The following DIAPH2 variants were observed in gnomAD, a reference collection of about 807,000 sequenced individuals.
DIAPH2 encodes protein diaphanous homolog 2.
Under a neutral mutation model 92.7 loss-of-function variants are expected in DIAPH2, and 35 were observed. That is an observed-to-expected ratio of 0.38 (90% confidence interval 0.29 to 0.50). The LOEUF is 0.50. Ranked by LOEUF, DIAPH2 falls within the 20% of genes least tolerant of loss-of-function variation. The probability of loss-of-function intolerance (pLI) is 0.94; values close to 1 mark genes in which losing one functional copy is unlikely to be tolerated. For synonymous variants in DIAPH2, 301 were observed against 280.4 expected (o/e 1.07, Z -0.73); for missense variants, 701 against 819.5 (o/e 0.86, Z 1.77).
chrX:97,244,835 A>T (rs1031971357), intron 22 of DIAPH2, among the ~76,000 whole-genome samples: 2 of 112,178 alleles, frequency 1.8e-5, no homozygotes, highest in East Asian at 5.6e-4. Context: ...TCATGCCTGT[A>T]ATCCCAACAC....
chrX:97,305,824 C>CAA (rs754094514), intron 23 of DIAPH2, among the ~76,000 whole-genome samples: 7 of 49,192 alleles, frequency 1.4e-4, no homozygotes, highest in African/African-American at 4.4e-4. Context: ...ACTCCTTCTC[C>CAA]AAAAAAAAAA....
chrX:96,907,734 G>A (rs771224841), intron 5 of DIAPH2, among the ~76,000 whole-genome samples: 10 of 111,746 alleles, frequency 8.9e-5, no homozygotes, highest in East Asian at 2.8e-4. Flanking sequence ...TTTTTAAACC[G>A]TTAAACATCT....
chrX:96,756,384 T>C (rs1026047776), intron 3 of DIAPH2, among the ~76,000 whole-genome samples: 6 of 111,834 alleles, frequency 5.4e-5, no homozygotes, highest in Admixed American at 9.5e-5. Flanking sequence ...ATAGAATATA[T>C]GGTCTTTTAT....
At chrX:97,415,907 A>G (rs903965975) in intron 25 of DIAPH2, among the ~76,000 whole-genome samples, 1 of 111,652 alleles carries the variant, frequency 9.0e-6, no homozygotes, top group African/African-American at 3.3e-5. Flanking sequence ...ATGGACAGGA[A>G]CTAGAAGCTT....
At chrX:97,054,622 A>G (rs186297268) in intron 17 of DIAPH2, among the ~76,000 whole-genome samples, 156 of 111,831 alleles carry the variant, frequency 1.4e-3, no homozygotes, top group Non-Finnish European at 2.7e-3. Context: ...CCGCAAAGGT[A>G]TACAGCCTTG....
At chrX:96,951,169 TCTC>T (rs200388868) in intron 15 of DIAPH2, among the ~76,000 whole-genome samples, 4,351 of 111,275 alleles carry the variant, frequency 0.039, 101 homozygotes, top group Middle Eastern at 0.083. Flanking sequence ...CCCTTCAACA[TCTC>T]CTGGAAATAG....
At chrX:96,828,021 C>T (rs1237846975) in intron 4 of DIAPH2, among the ~76,000 whole-genome samples, 2 of 111,815 alleles carry the variant, frequency 1.8e-5, no homozygotes, top group African/African-American at 3.3e-5. Context: ...CCACCCACCT[C>T]GGCCTCCTAA....
intron 4 of DIAPH2, among the ~76,000 whole-genome samples, chrX:96,809,944 T>G (rs1455899399): frequency 8.9e-6 from 1 of 112,361 alleles, no homozygotes; most frequent in Non-Finnish European, 1.9e-5. Context: ...TGGTTCCAAG[T>G]CTTTGCTATT....
At chrX:96,901,871 G>A (rs1346320713) in intron 5 of DIAPH2, among the ~76,000 whole-genome samples, 1 of 110,845 alleles carries the variant, frequency 9.0e-6, no homozygotes, top group Non-Finnish European at 1.9e-5. Context: ...CTTGAGGTGT[G>A]ACATTAGGTT....
intron 24 of DIAPH2, among the ~76,000 whole-genome samples, chrX:97,348,750 T>C (rs1235750267): frequency 2.7e-5 from 3 of 111,328 alleles, no homozygotes; most frequent in African/African-American, 9.8e-5. Flanking sequence ...TCTTTCACAA[T>C]GTGGGCTCTT....
chrX:97,081,058 A>T (rs1241168747), intron 19 of DIAPH2, among the ~76,000 whole-genome samples: 1 of 112,262 alleles, frequency 8.9e-6, no homozygotes, highest in Non-Finnish European at 1.9e-5. Flanking sequence ...CTCTTAAATA[A>T]CAACTTGTAT....
In DIAPH2 at chrX:97,325,051, C is replaced by T. The variant is rs1385502057; in HGVS notation, c.2845-23065C>T. On this transcript the variant is annotated intron_variant, in intron 23 of 26. Transcript: ENST00000324765. ...CTGACCTCAGGTGATCCGCCCACCT[C>T]GGCATCCCAAAGTGCTGGGATTACA... Among the ~76,000 whole-genome samples, 8 of 112,255 alleles carry T rather than the reference C, an allele frequency of 7.1e-5. No homozygotes were observed. The East Asian group carries it at 1.4e-3, about 20-fold the overall frequency.
At chrX:97,327,110 T>C (rs2068957408) in intron 23 of DIAPH2, among the ~76,000 whole-genome samples, 1 of 112,254 alleles carries the variant, frequency 8.9e-6, no homozygotes, top group African/African-American at 3.2e-5. Flanking sequence ...TTCTTGTCTT[T>C]TTTTTGAAGA....
In DIAPH2 at chrX:96,962,430, C is replaced by T. The variant is rs376535556; in HGVS notation, c.1936-2663C>T. ...ACATATATATATACACATATATATACATATATATATACATATATACACACA... is the reference window on the plus strand; with the variant it reads ...ACATATATATATACACATATATATATATATATATATACATATATACACACA... On this transcript the variant is annotated intron_variant, in intron 16 of 26. Transcript: ENST00000324765. Among the ~76,000 whole-genome samples, 39 of 43,689 alleles carry T rather than the reference C, an allele frequency of 8.9e-4. 1 individual carries two copies. The highest frequency in any genetic ancestry group is 3.4e-3 in the East Asian group (6 of 1,781). The allele number at this position is 43,689 out of a possible 115,157, so 37.9% of individuals were successfully genotyped here. A position where few individuals can be genotyped will look rare whatever the true frequency, so the allele number is the denominator to read the frequency against.
At chrX:97,372,864 C>T in intron 24 of DIAPH2, among the ~76,000 whole-genome samples, 1 of 110,714 alleles carries the variant, frequency 9.0e-6, no homozygotes, top group Non-Finnish European at 1.9e-5. Flanking sequence ...GTAGTCCCAG[C>T]TACTCAGGAG....
chrX:96,971,088 A>G (rs1032587577), intron 17 of DIAPH2, among the ~76,000 whole-genome samples: 28 of 112,225 alleles, frequency 2.5e-4, no homozygotes, highest in African/African-American at 8.4e-4. Context: ...TACAAGAATC[A>G]TAGATTTTAT....
chrX:97,147,046 C>A (rs756868477), intron 22 of DIAPH2, among the ~76,000 whole-genome samples: 1 of 110,779 alleles, frequency 9.0e-6, no homozygotes, highest in African/African-American at 3.3e-5. Flanking sequence ...GTGACTATTG[C>A]AGGGAAAAGG....
At chrX:97,107,389 G>T (rs1222372826) in intron 20 of DIAPH2, among the ~76,000 whole-genome samples, 1 of 111,493 alleles carries the variant, frequency 9.0e-6, no homozygotes, top group Non-Finnish European at 1.9e-5. Context: ...ATTTGGCATT[G>T]ACTCCATATA....
chrX:96,783,516 C>G (rs1377778211), intron 4 of DIAPH2, among the ~76,000 whole-genome samples: 1 of 112,105 alleles, frequency 8.9e-6, no homozygotes, highest in Non-Finnish European at 1.9e-5. Flanking sequence ...GGAGTAGTGA[C>G]CAAGCTAGTT....
Sources: gnomAD v4.1 joint callset for allele counts (sites outside exome capture counted in the v4.1 genomes callset) on GRCh38, gnomAD v4.1.1 for gene constraint, MANE v1.5 for transcripts, NCBI Gene and HGNC (gene_info 2026-07-23, HGNC 2026-07-21) for gene names.